The following RXRG variants were observed in gnomAD, a reference collection of about 807,000 sequenced individuals.
The protein encoded by RXRG is retinoic acid receptor RXR-gamma.
RXRG carries 19 observed loss-of-function variants against 49.2 expected under a neutral mutation model. That is an observed-to-expected ratio of 0.39 (90% confidence interval 0.27 to 0.57). RXRG has a LOEUF of 0.57. RXRG is among the 20% of genes least tolerant of loss of function. RXRG has a pLI of 0.64. For synonymous variants in RXRG, 224 were observed against 216.6 expected (o/e 1.03, Z -0.30); for missense variants, 452 against 592.5 (o/e 0.76, Z 2.46).
Position 165,444,834 on chromosome 1 carries a change from G to GAGAT in RXRG, c.49+7_49+10dup. 1 of 1,613,340 alleles carries GAGAT rather than the reference G, an allele frequency of 6.2e-7. No individual in the cohort carries two copies. Among genetic ancestry groups the GAGAT allele is most frequent in the Non-Finnish European group, 8.5e-7 (1 of 1,179,272 alleles). ...CAGGTCCACGCAGTGAAGCCCAAGG[G>GAGAT]AGATACTTACCTCCATAGCCTGCGG... is the stretch of plus-strand genomic sequence containing the variant. On this transcript the variant is annotated intron_variant, in intron 1 of 9. Coordinates refer to ENST00000359842, the MANE Select transcript of RXRG (RefSeq NM_006917.5).
At chr1:165,415,167 A>T (rs529997426) in intron 4 of RXRG, among the ~76,000 whole-genome samples, 23 of 152,302 alleles carry the variant, frequency 1.5e-4, no homozygotes, top group African/African-American at 4.6e-4. Flanking sequence ...TTGGGTAAAG[A>T]TACGAAGGAT....
rs191197247 is a variant in RXRG, at chr1:165,424,852, G to A, written c.297+3867C>T. 1.3e-4 allele frequency: 125 copies of A among 985,442 alleles called. 1 individual carries two copies. The African/African-American group carries it at 1.9e-3, about 15-fold the overall frequency. 61.0% of individuals were successfully genotyped at this position (985,442 alleles called of 1,614,324 possible). On this transcript the variant is annotated intron_variant, in intron 2 of 9. Transcript: ENST00000359842. ...ATGCATAGGAATAATCTGCCCAGAC[G>A]ATCCAGAGTCCAGCTCACTGTAGCT...
chr1:165,437,781 C>G (rs1241113284), intron 1 of RXRG, among the ~76,000 whole-genome samples: 6 of 152,186 alleles, frequency 3.9e-5, no homozygotes. Flanking sequence ...AAAGGGACAG[C>G]CAGCCGGTCC....
rs200365240 is a variant in RXRG at position 165,417,141 on chromosome 1, C to T, written c.522G>A (p.Thr174=). The T allele has an allele frequency of 4.8e-5, 78 of 1,614,192 alleles. No homozygotes were observed. Among genetic ancestry groups the T allele is most frequent in the Non-Finnish European group, 6.0e-5 (71 of 1,180,016 alleles). The change falls in exon 4 of 10, where the codon ACG becomes ACA. Residue 174 remains threonine, a synonymous_variant. Transcript: ENST00000359842. ...TGAGGCAGTCTTTATTATCCCGACA[C>T]GTGTAGATGAGGTCCTTCCTTATCG... ...KRTIRKDLIY[T]CRDNKDCLID...
chr1:165,404,193 G>C (rs1418465301), intron 9 of RXRG, among the ~76,000 whole-genome samples: 1 of 152,232 alleles, frequency 6.6e-6, no homozygotes, highest in Non-Finnish European at 1.5e-5. Flanking sequence ...TGCCTGGCCA[G>C]TGACACCCCT....
At chr1:165,433,374 G>A (rs1658731415) in intron 1 of RXRG, among the ~76,000 whole-genome samples, 1 of 152,080 alleles carries the variant, frequency 6.6e-6, no homozygotes, top group South Asian at 2.1e-4. Context: ...TTCACTCTGT[G>A]GCATGACCCC....
chr1:165,406,121 G>T (rs1013385208), intron 9 of RXRG, among the ~76,000 whole-genome samples: 1 of 152,150 alleles, frequency 6.6e-6, no homozygotes, highest in African/African-American at 2.4e-5. Context: ...TGGCTTAGCT[G>T]TACTTTGGAA....
At chr1:165,411,484 T>C (rs1193053603) in intron 4 of RXRG, among the ~76,000 whole-genome samples, 1 of 152,158 alleles carries the variant, frequency 6.6e-6, no homozygotes, top group Admixed American at 6.5e-5. Flanking sequence ...GAGCATGAAA[T>C]AGTTAAGTAA....
At chr1:165,439,943 G>A (rs1222093551) in intron 1 of RXRG, among the ~76,000 whole-genome samples, 2 of 152,202 alleles carry the variant, frequency 1.3e-5, no homozygotes, top group Non-Finnish European at 2.9e-5. Context: ...GCTGTTATGT[G>A]GAAAGAGGAG....
rs771801335 is a variant in RXRG at position 165,419,860 on chromosome 1, CT to C, written c.442+9del. Reference sequence around the variant, plus strand: ...GGCACTTTTCAGGGAGTGTCTGCTTCTGCATGTACCTGAGGATCTGTCTCCA... The same window carrying C: ...GGCACTTTTCAGGGAGTGTCTGCTTCGCATGTACCTGAGGATCTGTCTCCA... On this transcript the variant is annotated intron_variant, in intron 3 of 9. Transcript: ENST00000359842. The C allele has an allele frequency of 5.0e-6, 8 of 1,597,200 alleles. No individual in the cohort carries two copies. The highest frequency in any genetic ancestry group is 8.5e-7 in the Non-Finnish European group (1 of 1,170,390).
At chr1:165,420,837 T>C (rs1234444846) in intron 2 of RXRG, among the ~76,000 whole-genome samples, 1 of 152,152 alleles carries the variant, frequency 6.6e-6, no homozygotes, top group African/African-American at 2.4e-5. Context: ...AAATGTACAA[T>C]GTCATCAAGG....
chr1:165,413,542 C>T (rs977910895), intron 4 of RXRG, among the ~76,000 whole-genome samples: 1 of 152,176 alleles, frequency 6.6e-6, no homozygotes, highest in Non-Finnish European at 1.5e-5. Flanking sequence ...CCATCTCTAA[C>T]CTCTCAGTAC....
chr1:165,422,422 A>G (rs1024031691), intron 2 of RXRG, among the ~76,000 whole-genome samples: 12 of 152,232 alleles, frequency 7.9e-5, no homozygotes, highest in Non-Finnish European at 4.4e-5. Flanking sequence ...AGTTTGGATC[A>G]TTCAGGAAGG....
chr1:165,409,097 T>C (rs772017267), intron 7 of RXRG, among the ~76,000 whole-genome samples: 1 of 152,182 alleles, frequency 6.6e-6, no homozygotes, highest in South Asian at 2.1e-4. Flanking sequence ...CCTTCTGAGA[T>C]CATCCAGAGC....
intron 3 of RXRG, among the ~76,000 whole-genome samples, chr1:165,418,300 C>G (rs1658200590): frequency 6.6e-6 from 1 of 152,034 alleles, no homozygotes; most frequent in African/African-American, 2.4e-5. Flanking sequence ...CAATCACAAT[C>G]CTTTTTCTAG....
chr1:165,430,637 C>T (rs1055656177), intron 1 of RXRG, among the ~76,000 whole-genome samples: 13 of 152,320 alleles, frequency 8.5e-5, no homozygotes, highest in Middle Eastern at 3.4e-3. Flanking sequence ...TACCCCATGT[C>T]CTAAGTACCA....
intron 9 of RXRG, 150 bp downstream of exon 9, chr1:165,406,662 G>A: frequency 3.1e-6 from 2 of 637,792 alleles, no homozygotes; most frequent in Non-Finnish European, 5.6e-6. Flanking sequence ...TAGCCCAATG[G>A]AATTAACATT....
At position 165,410,683 on chromosome 1, in the gene RXRG, G is replaced by C. The variant is rs762742230; in HGVS notation, c.913+19C>G. On this transcript the variant is annotated intron_variant, in intron 6 of 9. Coordinates refer to ENST00000359842, the MANE Select transcript of RXRG (RefSeq NM_006917.5). ...ATTTCAAAATTGTCCCAGGAAAAAA[G>C]GCAGCCAATGTGCTTTACCTGCCCG... is the stretch of plus-strand genomic sequence containing the variant. 3.1e-6 allele frequency: 5 copies of C among 1,610,470 alleles called. No homozygotes were observed. The South Asian group carries it at 3.3e-5, about 11-fold the overall frequency.
chr1:165,424,493 A>G (rs1002042198), intron 2 of RXRG, among the ~76,000 whole-genome samples: 1 of 152,258 alleles, frequency 6.6e-6, no homozygotes, highest in Non-Finnish European at 1.5e-5. Flanking sequence ...TAGGGTAATC[A>G]GGGCAAGTAT....
Sources: gnomAD v4.1 joint callset for allele counts (sites outside exome capture counted in the v4.1 genomes callset) on GRCh38, gnomAD v4.1.1 for gene constraint, MANE v1.5 for transcripts, NCBI Gene and HGNC (gene_info 2026-07-23, HGNC 2026-07-21) for gene names.